Variants in PRAMEF15 observed in about 807,000 individuals in gnomAD.
PRAMEF15 encodes the protein PRAME family member 15.
In PRAMEF15, 21 loss-of-function variants were observed where a neutral mutation model predicts 35.3. The ratio of observed to expected loss-of-function variants is 0.59; its 90% CI spans 0.42 to 0.86. PRAMEF15 has a LOEUF of 0.86. Among genes scored for constraint, PRAMEF15 ranks in the 40% least tolerant of loss-of-function variants. The pLI, the probability that PRAMEF15 is intolerant of heterozygous loss-of-function variation, is 0.00. For synonymous variants in PRAMEF15, 122 were observed against 223.3 expected, an observed-to-expected ratio of 0.55 and a Z score of 4.05; for missense variants, 360 against 574.1, an observed-to-expected ratio of 0.63 and a Z score of 3.81.
chr1:13,319,246 A>T (rs1341548769), intron 2 of PRAMEF15, 126 bp from the exon 3 acceptor site: 1 of 1,522,550 alleles, frequency 6.6e-7, no homozygotes, highest in Non-Finnish European at 8.9e-7. Flanking sequence ...CAAGGGGAAA[A>T]CAGAGTGAAG....
At chr1:13,317,876 AG>A (rs1474477812) in intron 1 of PRAMEF15, among the ~76,000 whole-genome samples, 2 of 151,654 alleles carry the variant, frequency 1.3e-5, no homozygotes, top group African/African-American at 4.9e-5. Flanking sequence ...GGGGAAAGAA[AG>A]AAAGAAGGGA....
In PRAMEF15 at chr1:13,319,360, A is replaced by C. The variant is rs1640050280; in HGVS notation, c.294-12A>C. 1 of 1,609,794 alleles carries C rather than the reference A, an allele frequency of 6.2e-7. No individual in the cohort carries two copies. The highest frequency in any genetic ancestry group is 8.5e-7 in the Non-Finnish European group (1 of 1,179,756). On this transcript the variant is annotated splice_polypyrimidine_tract_variant and intron_variant, in intron 2 of 3. Transcript: ENST00000376152. ...TTCTTAAATTCTCAGTCTCACCTCT[A>C]TTTTGCCACAGGAGGTGGAAACTCC...
In PRAMEF15 at chr1:13,321,718, G is replaced by A. The variant is rs1286883401; in HGVS notation, c.891G>A (p.Ser297=). 60 of 1,607,736 alleles carry A rather than the reference G, an allele frequency of 3.7e-5. 1 individual carries two copies. In the Admixed American group the frequency reaches 4.5e-4, roughly 12 times the overall value. ...LDQLLSCLKT[S]LKVLTITNCV... is the part of the protein sequence containing the mutation. ...CTCTCCCCAGCTGTCTGAAGACCTC[G>A]TTAAAAGTCCTCACAATAACTAACT... is the stretch of plus-strand genomic sequence containing the variant. The change falls in exon 4 of 4, where the codon TCG becomes TCA. Residue 297 remains serine (S), a synonymous_variant. Coordinates refer to ENST00000376152, the MANE Select transcript of PRAMEF15 (RefSeq NM_001098376.3).
At chr1:13,316,853 G>C (rs1483710445) in intron 1 of PRAMEF15, among the ~76,000 whole-genome samples, 1 of 151,208 alleles carries the variant, frequency 6.6e-6, no homozygotes, top group Non-Finnish European at 1.5e-5. Flanking sequence ...ATCAGGAAGA[G>C]ATTCAACCCT....
intron 2 of PRAMEF15, 147 bp from the exon 3 acceptor site, chr1:13,319,225 T>A (rs561493745): frequency 1.5e-6 from 2 of 1,356,168 alleles, no homozygotes; most frequent in Non-Finnish European, 2.0e-6. Context: ...AATGTGGAAG[T>A]GGGCAGGATC....
chr1:13,321,616 T>C, intron 3 of PRAMEF15, 87 bp from the exon 4 acceptor site: 1 of 1,326,640 alleles, frequency 7.5e-7, no homozygotes, highest in Non-Finnish European at 1.1e-6. Context: ...CAAAAAGGTC[T>C]CCATCCATTA....
At chr1:13,318,936 G>T (rs1325723360) in intron 2 of PRAMEF15, among the ~76,000 whole-genome samples, 8 of 151,912 alleles carry the variant, frequency 5.3e-5, no homozygotes, top group Admixed American at 6.6e-5. Context: ...GAACTGGGCC[G>T]GGCACGGTGG....
At chr1:13,320,707 A>G (rs2100324431) in intron 3 of PRAMEF15, among the ~76,000 whole-genome samples, 2 of 152,216 alleles carry the variant, frequency 1.3e-5, no homozygotes, top group African/African-American at 4.8e-5. Context: ...TATAGGCGAG[A>G]GCTACCACGC....
Position 13,319,374 on chromosome 1 carries a change from G to T in PRAMEF15, c.296G>T (p.Arg99Met). The T allele has an allele frequency of 6.2e-7, 1 of 1,610,748 alleles. No individual in the cohort carries two copies. The highest frequency in any genetic ancestry group is 8.5e-7 in the Non-Finnish European group (1 of 1,179,806). The change falls in exon 3 of 4, where the codon AGG (arginine) becomes ATG (methionine). Residue 99 changes from arginine to methionine, a missense_variant and splice_region_variant. Arg to Met is a moderately conservative substitution (Grantham distance 91). Transcript: ENST00000376152. ...GTCTCACCTCTATTTTGCCACAGGA[G>T]GTGGAAACTCCAAGTGCTGGATTTA... ...ALLTQGVRPR[R>M]WKLQVLDLQD...
chr1:13,316,523 T>C (rs1569789187), intron 1 of PRAMEF15, among the ~76,000 whole-genome samples: 2 of 151,616 alleles, frequency 1.3e-5, no homozygotes, highest in Admixed American at 1.3e-4. Flanking sequence ...CTGTGGGGGG[T>C]GCATGCCTGT....
At chr1:13,319,204 A>C (rs1809724) in intron 2 of PRAMEF15, among the ~76,000 whole-genome samples, 168 bp from the exon 3 acceptor site, 5,604 of 149,364 alleles carry the variant, frequency 0.038, 344 homozygotes, top group African/African-American at 0.12. Flanking sequence ...AAAAAAAAAA[A>C]AAAACAAAAC....
chr1:13,316,112 G>A (rs1469750520), intron 1 of PRAMEF15, among the ~76,000 whole-genome samples: 2 of 151,406 alleles, frequency 1.3e-5, no homozygotes, highest in African/African-American at 4.9e-5. Flanking sequence ...CAATTCTCAT[G>A]CCTCAGTCTC....
Position 13,322,160 on chromosome 1 carries a change from A to G in PRAMEF15, c.1333A>G (p.Arg445Gly). Residue 445 changes from arginine to glycine, a missense_variant, in exon 4 of 4, where the codon AGG becomes GGG. By Grantham distance (125) the Arg-to-Gly change is moderately radical. Around this residue, in one of 8 missense-constraint regions of PRAMEF15, gnomAD observed 147 missense variants for 123.5 expected, o/e 1.19. Coordinates refer to ENST00000376152, the MANE Select transcript of PRAMEF15 (RefSeq NM_001098376.3). Reference sequence around the variant, plus strand: ...TAGGGCTGAGCTGATGAACAGAGTGAGGGACTTAAGGCACCCCAAGAGGAT... The same window carrying G: ...TAGGGCTGAGCTGATGAACAGAGTGGGGGACTTAAGGCACCCCAAGAGGAT... ...QIRAELMNRV[R>G]DLRHPKRILF... The G allele has an allele frequency of 6.2e-7, 1 of 1,608,826 alleles. No individual in the cohort carries two copies. The highest frequency in any genetic ancestry group is 8.5e-7 in the Non-Finnish European group (1 of 1,179,198).
Position 13,319,938 on chromosome 1 carries a change from T to A in PRAMEF15, c.860T>A (p.Leu287Gln). 1 of 1,611,228 alleles carries A rather than the reference T, an allele frequency of 6.2e-7. No homozygotes were observed. The highest frequency in any genetic ancestry group is 8.5e-7 in the Non-Finnish European group (1 of 1,179,848). Residue 287 changes from leucine to glutamine, a missense_variant, in exon 3 of 4, where the codon CTG becomes CAG. Physicochemically the swap from Leu to Gln is moderately radical, Grantham distance 113. Coordinates refer to ENST00000376152, the MANE Select transcript of PRAMEF15 (RefSeq NM_001098376.3). ...MNSVSFLEGH[L>Q]DQLLSCLKTS... ...TCTGTTTCTTTCCTCGAAGGCCACC[T>A]GGACCAGCTGCTCAGGTGAGGGAGG...
intron 3 of PRAMEF15, among the ~76,000 whole-genome samples, chr1:13,320,769 T>G (rs1301830647): frequency 1.3e-5 from 2 of 152,066 alleles, no homozygotes; most frequent in African/African-American, 2.4e-5. Context: ...GGAAGTGAAG[T>G]GGGCACTGAA....
chr1:13,321,028 C>T (rs1195349415), intron 3 of PRAMEF15, among the ~76,000 whole-genome samples: 1 of 151,964 alleles, frequency 6.6e-6, no homozygotes, highest in Non-Finnish European at 1.5e-5. Flanking sequence ...GCCCGCCCAC[C>T]CCAGCTGATG....
At chr1:13,319,996 C>A (rs1640061651) in intron 3 of PRAMEF15, 43 bp downstream of exon 3, 4 of 1,609,684 alleles carry the variant, frequency 2.5e-6, no homozygotes, top group Non-Finnish European at 1.7e-6. Flanking sequence ...CACAGCAGAG[C>A]CTGTTACAGT....
In PRAMEF15 at chr1:13,320,383, AC is replaced by A. The variant is rs1488310840; in HGVS notation, c.875+434del. ...AGACCAGTCTGGGTAACATACCAAG[AC>A]CCCTGTCAGAAATGAATAAATAAAA... is the stretch of plus-strand genomic sequence containing the variant. On this transcript the variant is annotated intron_variant, in intron 3 of 3. Coordinates refer to ENST00000376152, the MANE Select transcript of PRAMEF15 (RefSeq NM_001098376.3). 1.9e-4 allele frequency among the ~76,000 whole-genome samples: 29 copies of A among 151,426 alleles called. 1 individual carries two copies. In the East Asian group the frequency reaches 5.6e-3, roughly 29 times the overall value.
chr1:13,316,314 A>C (rs1640001680), intron 1 of PRAMEF15, among the ~76,000 whole-genome samples: 1 of 151,580 alleles, frequency 6.6e-6, no homozygotes, highest in African/African-American at 2.4e-5. Context: ...AGTCCCAGCT[A>C]TTTGGGTGGC....
Sources: gnomAD v4.1 joint callset for allele counts (sites outside exome capture counted in the v4.1 genomes callset) on GRCh38, gnomAD v4.1.1 for gene constraint, gnomAD v4.1.1 regional missense constraint, MANE v1.5 for transcripts, NCBI Gene and HGNC (gene_info 2026-07-23, HGNC 2026-07-21) for gene names.